The following WDR27 variants were observed in gnomAD, a reference collection of about 807,000 sequenced individuals.
WDR27 encodes the protein WD repeat-containing protein 27.
Under a neutral mutation model 114.4 loss-of-function variants are expected in WDR27, and 100 were observed. The observed-to-expected ratio is 0.87, with a 90% CI of 0.74 to 1.03. The LOEUF (loss-of-function observed/expected upper bound fraction) is 1.03, where lower values mean the gene tolerates loss of function less well. Among genes scored for constraint, WDR27 ranks in the 50% least tolerant of loss-of-function variants. The probability of loss-of-function intolerance (pLI) is 0.00; values close to 1 mark genes in which losing one functional copy is unlikely to be tolerated. For synonymous variants in WDR27, 449 were observed against 423.1 expected (o/e 1.06, Z -0.75); for missense variants, 1,129 against 1,092.9 (o/e 1.03, Z -0.47).
At chr6:169,519,895 G>C (rs1794150361) in intron 25 of WDR27, among the ~76,000 whole-genome samples, 1 of 151,992 alleles carries the variant, frequency 6.6e-6, no homozygotes, top group Non-Finnish European at 1.5e-5. Context: ...TTGACATGAA[G>C]TACATGGAAA....
At position 169,457,722 on chromosome 6, in the gene WDR27, T is replaced by A; in HGVS notation, c.2646-88A>T. ...AGAAAATAAGCCCAAAGTGTGTTAT[T>A]TTCCTTATTTTTAATGTTCTGGAAC... is the stretch of plus-strand genomic sequence containing the variant. On this transcript the variant is annotated intron_variant, in intron 25 of 25. Transcript: ENST00000448612. 3 of 993,844 alleles carry A rather than the reference T, an allele frequency of 3.0e-6. No individual in the cohort carries two copies. In the South Asian group the frequency reaches 4.7e-5, roughly 16 times the overall value. 61.6% of individuals were successfully genotyped at this position (993,844 alleles called of 1,614,324 possible). A position where few individuals can be genotyped will look rare whatever the true frequency, so the allele number is the denominator to read the frequency against.
rs1323691257 is a variant in WDR27 at position 169,649,210 on chromosome 6, C to T, written c.1547G>A (p.Ser516Asn). The T allele has an allele frequency of 5.7e-6, 9 of 1,573,988 alleles. No individual in the cohort carries two copies. The Admixed American group carries it at 9.2e-5, about 16-fold the overall frequency. Residue 516 changes from serine (S) to asparagine (N), a missense_variant, in exon 15 of 26, where the codon AGC becomes AAC. Ser to Asn is a conservative substitution (Grantham distance 46). Transcript: ENST00000448612. ...SEGKGSSRSRSSCAREAYPVE... is the reference protein window; with the variant it reads ...SEGKGSSRSRNSCAREAYPVE... ...CTACATCACACACCGTGCGCAGCTG[C>T]TCCTGCTCCTTGAAGATCCTTTCCC...
intron 25 of WDR27, among the ~76,000 whole-genome samples, chr6:169,508,974 T>C (rs1459165022): frequency 6.6e-6 from 1 of 152,150 alleles, no homozygotes; most frequent in African/African-American, 2.4e-5. Context: ...ATCGTTGTTG[T>C]TGAGCTCAGG....
rs78268346 is a variant in WDR27 at position 169,560,801 on chromosome 6, G to A, written c.2645+11618C>T. 4.4e-3 allele frequency among the ~76,000 whole-genome samples: 675 copies of A among 152,094 alleles called. 4 individuals carry two copies. Among genetic ancestry groups the A allele is most frequent in the African/African-American group, 0.016 (650 of 41,486 alleles). Reference sequence around the variant, plus strand: ...TACTACCCCATGCAGATACACACACGCCCCTCACAGAGTGTCACACCATAT... The same window carrying A: ...TACTACCCCATGCAGATACACACACACCCCTCACAGAGTGTCACACCATAT... On this transcript the variant is annotated intron_variant, in intron 25 of 25. Transcript: ENST00000448612.
chr6:169,605,823 G>T (rs1809046529), intron 22 of WDR27, among the ~76,000 whole-genome samples: 1 of 152,186 alleles, frequency 6.6e-6, no homozygotes, highest in East Asian at 1.9e-4. Flanking sequence ...ACAGTCAACT[G>T]ATCTTTGAAA....
chr6:169,574,832 T>C (rs1325881726), intron 24 of WDR27, among the ~76,000 whole-genome samples: 2 of 152,100 alleles, frequency 1.3e-5, no homozygotes, highest in African/African-American at 4.8e-5. Context: ...CAATAGCTTA[T>C]CTCTGCAGGC....
intron 25 of WDR27, among the ~76,000 whole-genome samples, chr6:169,537,042 C>T (rs1272989638): frequency 6.6e-6 from 1 of 152,192 alleles, no homozygotes; most frequent in African/African-American, 2.4e-5. Flanking sequence ...GGGCTCTTTT[C>T]ATAGCAAACA....
chr6:169,483,925 G>A (rs1056446398), intron 25 of WDR27, among the ~76,000 whole-genome samples: 1 of 151,832 alleles, frequency 6.6e-6, no homozygotes, highest in African/African-American at 2.4e-5. Flanking sequence ...AGACAAAAAT[G>A]CATGATTATC....
chr6:169,682,949 C>T (rs1781909509), intron 2 of WDR27, among the ~76,000 whole-genome samples: 1 of 151,778 alleles, frequency 6.6e-6, no homozygotes, highest in African/African-American at 2.4e-5. Flanking sequence ...TAGCATCAAC[C>T]ACAGAATTCA....
intron 13 of WDR27, chr6:169,657,907 G>A (rs977520808): frequency 3.7e-5 from 7 of 191,430 alleles, no homozygotes; most frequent in South Asian, 1.2e-4. Flanking sequence ...ACAATCACAC[G>A]CTCGGGATCT....
intron 13 of WDR27, among the ~76,000 whole-genome samples, chr6:169,657,498 C>T (rs950091772): frequency 1.3e-5 from 2 of 152,178 alleles, no homozygotes; most frequent in South Asian, 4.1e-4. Context: ...TGAGGCCCAG[C>T]AGTCAGGCAG....
intron 25 of WDR27, among the ~76,000 whole-genome samples, chr6:169,466,593 C>T (rs985015101): frequency 6.6e-6 from 1 of 152,152 alleles, no homozygotes; most frequent in Non-Finnish European, 1.5e-5. Flanking sequence ...ATGGAAACTA[C>T]AATTCAAGAT....
At position 169,659,738 on chromosome 6, in the gene WDR27, C is replaced by G. The variant is rs569088394; in HGVS notation, c.1130-220G>C. ...CACCACACACACACCAGGCCCTGAG[C>G]GTCACACATGCCAGGCTCCGCTCTG... On this transcript the variant is annotated intron_variant, in intron 10 of 25. Coordinates refer to ENST00000448612, the MANE Select transcript of WDR27 (RefSeq NM_182552.5). This position sits in a 1 kb window ranked among gnomAD's most constrained non-coding sequence, Gnocchi z 4.3. 6.6e-6 allele frequency among the ~76,000 whole-genome samples: 1 copy of G among 152,118 alleles called. No individual in the cohort carries two copies. Among genetic ancestry groups the G allele is most frequent in the Non-Finnish European group, 1.5e-5 (1 of 68,020 alleles).
chr6:169,682,711 C>T (rs1419615873), intron 2 of WDR27, among the ~76,000 whole-genome samples: 1 of 152,064 alleles, frequency 6.6e-6, no homozygotes, highest in African/African-American at 2.4e-5. Context: ...AAAATATGAC[C>T]CCATCAAACA....
downstream of WDR27, among the ~76,000 whole-genome samples, chr6:169,453,345 C>T (rs540195002): frequency 1.3e-5 from 2 of 152,100 alleles, no homozygotes; most frequent in African/African-American, 4.8e-5. Flanking sequence ...GGAATATAAA[C>T]TTGCTATTAA....
intron 25 of WDR27, among the ~76,000 whole-genome samples, chr6:169,538,929 G>C (rs755556736): frequency 6.6e-6 from 1 of 152,022 alleles, no homozygotes; most frequent in East Asian, 1.9e-4. Flanking sequence ...ATAGTTTCTC[G>C]CACTTACCCT....
chr6:169,493,497 AT>A (rs144961935), intron 25 of WDR27, among the ~76,000 whole-genome samples: 2,457 of 151,710 alleles, frequency 0.016, 62 homozygotes, highest in African/African-American at 0.057. Context: ...AGATGTTCAA[AT>A]TTTTTTTTAT....
intron 21 of WDR27, among the ~76,000 whole-genome samples, chr6:169,625,552 T>A (rs1439924153): frequency 6.6e-6 from 1 of 152,228 alleles, no homozygotes; most frequent in Non-Finnish European, 1.5e-5. Flanking sequence ...AGCCCTGGGC[T>A]GAAGTGCCGG....
At chr6:169,608,282 T>G (rs1809701254) in intron 22 of WDR27, among the ~76,000 whole-genome samples, 1 of 152,142 alleles carries the variant, frequency 6.6e-6, no homozygotes, top group Non-Finnish European at 1.5e-5. Context: ...GTGTGTATGT[T>G]TATTGCAGTA....
Sources: allele counts gnomAD v4.1 joint callset (sites outside exome capture counted in the v4.1 genomes callset), GRCh38; gene constraint gnomAD v4.1.1; non-coding constraint Gnocchi (gnomAD v3.1); transcripts MANE v1.5; gene names NCBI Gene and HGNC (gene_info 2026-07-23, HGNC 2026-07-21).